The following AP3D1 variants were observed in gnomAD, a reference collection of about 807,000 sequenced individuals.
The protein encoded by AP3D1 is adaptor related protein complex 3 subunit delta 1.
AP3D1 carries 51 observed loss-of-function variants against 147.6 expected under a neutral mutation model. The ratio of observed to expected loss-of-function variants is 0.35; its 90% CI spans 0.28 to 0.44. The LOEUF is 0.44. Among genes scored for constraint, AP3D1 ranks in the 20% least tolerant of loss-of-function variants. The pLI is 1.00. For synonymous variants in AP3D1, 760 were observed against 663.0 expected (o/e 1.15, Z -2.25); for missense variants, 1,421 against 1,624.2 (o/e 0.87, Z 2.15).
At chr19:2,108,953 G>A (rs2018187439) in intron 30 of AP3D1, 133 bp downstream of exon 30, 18 of 1,453,366 alleles carry the variant, frequency 1.2e-5, no homozygotes, top group Non-Finnish European at 1.6e-5. Flanking sequence ...CAGGCCTCGG[G>A]GCCACCAGCC....
At chr19:2,162,592 G>A (rs980953280) in intron 1 of AP3D1, among the ~76,000 whole-genome samples, 2 of 151,468 alleles carry the variant, frequency 1.3e-5, no homozygotes, top group Non-Finnish European at 2.9e-5. Context: ...AGCCTGGGAG[G>A]CAGAGGATGC....
At position 2,129,326 on chromosome 19, in the gene AP3D1, T is replaced by C; in HGVS notation, c.724A>G (p.Ile242Val). Residue 242 changes from isoleucine (I) to valine (V), a missense_variant, in exon 7 of 32, where the codon ATC (isoleucine) becomes GTC (valine). Physicochemically the swap from Ile to Val is conservative, Grantham distance 29 (BLOSUM62 3). Around this residue, in one of 6 missense-constraint regions of AP3D1, gnomAD observed 292 missense variants for 412.0 expected, o/e 0.71. Transcript: ENST00000643116. ...STNNWVLIKI[I>V]KLFGALTPLE... ...TCCCGGGCAGTACTTGCCAGCTTGATGATCTTGATGAGGACCCAGTTGTTG... is the reference window on the plus strand; with the variant it reads ...TCCCGGGCAGTACTTGCCAGCTTGACGATCTTGATGAGGACCCAGTTGTTG... 6.2e-7 allele frequency: 1 copy of C among 1,613,908 alleles called. No individual in the cohort carries two copies.
rs764711501 is a variant in AP3D1 at position 2,109,203 on chromosome 19, C to A, written c.3355G>T (p.Ala1119Ser). ...CCAGACTCCAGCAACTTAGCAAAGG[C>A]GTCACTGTGGGAGGGACAGGGAGGC... is the stretch of plus-strand genomic sequence containing the variant. ...YLITTPCYSDAFAKLLESGDL... is the reference protein window; with the variant it reads ...YLITTPCYSDSFAKLLESGDL... The change falls in exon 30 of 32, where the codon GCC becomes TCC. Residue 1119 changes from alanine to serine, a missense_variant. Ala to Ser is a moderately conservative substitution (Grantham distance 99). This residue lies in a region of AP3D1 where 791 missense variants were observed against 761.4 expected (regional missense o/e 1.04). Coordinates refer to ENST00000643116, the MANE Select transcript of AP3D1 (RefSeq NM_001261826.3). 1 of 1,597,258 alleles carries A rather than the reference C, an allele frequency of 6.3e-7. No individual in the cohort carries two copies. The highest frequency in any genetic ancestry group is 1.8e-5 in the Admixed American group (1 of 55,710).
At chr19:2,154,991 C>T (rs886247812), upstream of AP3D1, among the ~76,000 whole-genome samples, 2 of 151,990 alleles carry the variant, frequency 1.3e-5, no homozygotes, top group Non-Finnish European at 2.9e-5. Flanking sequence ...ACCATCCTGG[C>T]GAACATGGTG....
At chr19:2,104,116 A>G (rs1465685578) in intron 31 of AP3D1, among the ~76,000 whole-genome samples, 1 of 151,180 alleles carries the variant, frequency 6.6e-6, no homozygotes, top group Non-Finnish European at 1.5e-5. Context: ...ACCAACTCCA[A>G]GACGCCAACA....
chr19:2,134,449 T>C (rs1359758374), intron 4 of AP3D1, among the ~76,000 whole-genome samples: 1 of 151,476 alleles, frequency 6.6e-6, no homozygotes, highest in Non-Finnish European at 1.5e-5. Flanking sequence ...AAATAATTTT[T>C]TTTAGGGCTG....
At chr19:2,121,955 G>T (rs1345898503) in intron 11 of AP3D1, 76 bp from the exon 12 acceptor site, 2 of 1,485,484 alleles carry the variant, frequency 1.3e-6, no homozygotes, top group African/African-American at 2.9e-5. Flanking sequence ...ACGGCTCTCC[G>T]GGCCGGGTCT....
At position 2,121,766 on chromosome 19, in the gene AP3D1, G is replaced by A. The variant is rs370176164; in HGVS notation, c.1069C>T (p.Arg357Trp). Residue 357 changes from arginine to tryptophan, a missense_variant, in exon 12 of 32, where the codon CGG becomes TGG. Transcript: ENST00000643116. The stretch of plus-strand genomic sequence containing the variant: ...TAGAGCAGGTCCAGGGCCCGCAGCC[G>A]GATGGACTCGTCCTTGTCGTCCAGG... ...QCLDDKDESI[R>W]LRALDLLYGM... 2.0e-5 allele frequency: 33 copies of A among 1,610,816 alleles called. No homozygotes were observed. The highest frequency in any genetic ancestry group is 5.3e-5 in the African/African-American group (4 of 74,772).
intron 1 of AP3D1, among the ~76,000 whole-genome samples, chr19:2,140,728 C>T (rs2019197673): frequency 6.6e-6 from 1 of 151,134 alleles, no homozygotes; most frequent in South Asian, 2.1e-4. Context: ...CAAGTAGCTC[C>T]TCTCAGACCA....
intron 1 of AP3D1, among the ~76,000 whole-genome samples, chr19:2,144,650 G>A (rs974545066): frequency 3.3e-5 from 5 of 152,196 alleles, no homozygotes; most frequent in African/African-American, 1.2e-4. Context: ...GCTCACACCT[G>A]TAATCCCAGC....
intron 1 of AP3D1, among the ~76,000 whole-genome samples, chr19:2,150,957 C>A (rs2019491659): frequency 1.3e-5 from 2 of 152,242 alleles, no homozygotes; most frequent in African/African-American, 4.8e-5. Context: ...GGGCCCAGGG[C>A]ATTGCATTTT....
intron 31 of AP3D1, among the ~76,000 whole-genome samples, chr19:2,107,559 T>G (rs904641833): frequency 5.3e-5 from 8 of 151,192 alleles, no homozygotes; most frequent in African/African-American, 1.9e-4. Context: ...GCTAACACGG[T>G]GAAACCCTGT....
intron 1 of AP3D1, among the ~76,000 whole-genome samples, chr19:2,161,438 A>G (rs59940956): frequency 0.019 from 2,911 of 152,108 alleles, 33 homozygotes; most frequent in Middle Eastern, 0.037. Context: ...CTGGGATTAC[A>G]GGCGTGAGTC....
intron 1 of AP3D1, among the ~76,000 whole-genome samples, chr19:2,158,302 C>T (rs1257138201): frequency 6.6e-6 from 1 of 151,796 alleles, no homozygotes; most frequent in Non-Finnish European, 1.5e-5. Context: ...GTGATCCGCC[C>T]ACCTCGGCCT....
chr19:2,134,137 G>A (rs2019018743), intron 4 of AP3D1, among the ~76,000 whole-genome samples: 3 of 152,062 alleles, frequency 2.0e-5, no homozygotes, highest in Admixed American at 2.0e-4. Context: ...ACAGTGAGCT[G>A]AAGTGGTGGC....
At position 2,111,634 on chromosome 19, in the gene AP3D1, G is replaced by A. The variant is rs1468981513; in HGVS notation, c.2937+45C>T. 7 of 1,542,882 alleles carry A rather than the reference G, an allele frequency of 4.5e-6. No individual in the cohort carries two copies. The African/African-American group carries it at 5.5e-5, about 12-fold the overall frequency. On this transcript the variant is annotated intron_variant, in intron 25 of 31. Coordinates refer to ENST00000643116, the MANE Select transcript of AP3D1 (RefSeq NM_001261826.3). Reference sequence around the variant, plus strand: ...AGGAGTGGGGAGCAGCGCACAGCCCGCCAGGAACCCCGGCGTGGGGCGGGG... The same window carrying A: ...AGGAGTGGGGAGCAGCGCACAGCCCACCAGGAACCCCGGCGTGGGGCGGGG...
At position 2,121,317 on chromosome 19, in the gene AP3D1, C is replaced by T. The variant is rs11667435; in HGVS notation, c.1102-6G>A. ...ATCAGGTTCTTCTTGGACACCTGGG[C>T]AAAAGTGTACAGACAGTGGTGAGAG... On this transcript the variant is annotated splice_region_variant and splice_polypyrimidine_tract_variant and intron_variant, in intron 12 of 31. Transcript: ENST00000643116. 0.15 allele frequency: 237,617 copies of T among 1,613,692 alleles called. 19,057 individuals are homozygous for T. Among genetic ancestry groups the T allele is most frequent in the Non-Finnish European group, 0.16 (193,878 of 1,179,774 alleles).
chr19:2,111,524 G>A (rs1386378465), intron 25 of AP3D1, 155 bp downstream of exon 25: 2 of 1,238,064 alleles, frequency 1.6e-6, no homozygotes, highest in Non-Finnish European at 2.2e-6. Context: ...CCTAATGTGG[G>A]GCTGCGGGCC....
intron 8 of AP3D1, among the ~76,000 whole-genome samples, chr19:2,127,690 A>G (rs1025545611): frequency 6.6e-6 from 1 of 152,046 alleles, no homozygotes; most frequent in Non-Finnish European, 1.5e-5. Flanking sequence ...ACGCCCGGCT[A>G]ATTTTTGTAT....
Sources: gnomAD v4.1 joint callset for allele counts (sites outside exome capture counted in the v4.1 genomes callset) on GRCh38, gnomAD v4.1.1 for gene constraint, gnomAD v4.1.1 regional missense constraint, MANE v1.5 for transcripts, NCBI Gene and HGNC (gene_info 2026-07-23, HGNC 2026-07-21) for gene names.